Variants in RDX observed in about 807,000 individuals in gnomAD.
The protein encoded by RDX is deafness, autosomal recessive 24.
RDX carries 32 observed loss-of-function variants against 83.7 expected under a neutral mutation model. The ratio of observed to expected loss-of-function variants is 0.38; its 90% CI spans 0.29 to 0.51. The LOEUF (loss-of-function observed/expected upper bound fraction) is 0.51. Ranked by LOEUF, RDX falls within the 20% of genes least tolerant of loss-of-function variation. The pLI is 0.87. For synonymous variants in RDX, 229 were observed against 222.7 expected (o/e 1.03, Z -0.25); for missense variants, 600 against 689.9 (o/e 0.87, Z 1.46).
chr11:110,232,106 G>C lies in RDX; in HGVS notation c.1588-73C>G, dbSNP rs571318050. 6.6e-5 allele frequency: 80 copies of C among 1,220,084 alleles called. No individual in the cohort carries two copies. The African/African-American group carries it at 1.2e-3, about 18-fold the overall frequency. The allele number at this position is 1,220,084 out of a possible 1,614,324, so 75.6% of individuals were successfully genotyped here. ...AAAAAATTTATGAAAATGGCTTTAA[G>C]ATGCAAAAATACATATACCAAATCA... On this transcript the variant is annotated intron_variant, in intron 13 of 13. Coordinates refer to ENST00000645495, the MANE Select transcript of RDX (RefSeq NM_002906.4).
chr11:110,189,734 A>T (rs989589514), intron 15 of RDX, among the ~76,000 whole-genome samples: 2 of 152,258 alleles, frequency 1.3e-5, no homozygotes, highest in African/African-American at 4.8e-5. Flanking sequence ...CATGGAAATT[A>T]AACAACTGCT....
intron 14 of RDX, among the ~76,000 whole-genome samples, chr11:110,203,326 T>C (rs1863482052): frequency 6.7e-6 from 1 of 148,278 alleles, no homozygotes; most frequent in Admixed American, 6.8e-5. Flanking sequence ...ATTAAACTCA[T>C]GGAGATAGAG....
downstream of RDX, among the ~76,000 whole-genome samples, chr11:110,225,232 C>A (rs193258052): frequency 3.9e-5 from 6 of 152,114 alleles, no homozygotes; most frequent in African/African-American, 2.4e-5. Context: ...GCAACAACAA[C>A]AAAATTGGAC....
At chr11:110,215,938 T>G (rs1488072306) in intron 14 of RDX, among the ~76,000 whole-genome samples, 2 of 152,180 alleles carry the variant, frequency 1.3e-5, no homozygotes, top group Admixed American at 1.3e-4. Context: ...ATGCAGCCAT[T>G]TAGCCCCAGG....
intron 1 of RDX, among the ~76,000 whole-genome samples, chr11:110,296,061 G>A (rs917781268): frequency 6.6e-6 from 1 of 152,244 alleles, no homozygotes; most frequent in Non-Finnish European, 1.5e-5. Context: ...CAACCCTTGG[G>A]ACCATGCCAG....
At chr11:110,190,585 A>T (rs543445532) in intron 15 of RDX, among the ~76,000 whole-genome samples, 2 of 152,332 alleles carry the variant, frequency 1.3e-5, no homozygotes, top group South Asian at 4.1e-4. Flanking sequence ...GGAGAAAAGA[A>T]ATAACTAAAA....
chr11:110,292,796 A>C (rs1861298225), intron 1 of RDX, among the ~76,000 whole-genome samples: 1 of 152,204 alleles, frequency 6.6e-6, no homozygotes, highest in Non-Finnish European at 1.5e-5. Context: ...TTTCTTCAAT[A>C]CTGTATCTAA....
At chr11:110,223,010 A>C (rs1864304530) in intron 14 of RDX, among the ~76,000 whole-genome samples, 1 of 152,232 alleles carries the variant, frequency 6.6e-6, no homozygotes, top group Non-Finnish European at 1.5e-5. Flanking sequence ...TTACTTTTAC[A>C]TACAATGAAC....
chr11:110,295,766 C>T (rs184886424), intron 1 of RDX, among the ~76,000 whole-genome samples: 135 of 152,260 alleles, frequency 8.9e-4, no homozygotes, highest in Non-Finnish European at 1.6e-3. Flanking sequence ...GTCTGAGACA[C>T]TAAAACTGAG....
intron 3 of RDX, 140 bp downstream of exon 3, chr11:110,272,396 A>G (rs1196805247): frequency 4.6e-5 from 32 of 693,664 alleles, no homozygotes; most frequent in Non-Finnish European, 7.4e-5. Flanking sequence ...TGTAGTAGGG[A>G]TATCTGAATA....
chr11:110,236,157 G>T lies in RDX; in HGVS notation c.1286C>A (p.Ala429Glu). 2 of 1,612,636 alleles carry T rather than the reference G, an allele frequency of 1.2e-6. No individual in the cohort carries two copies. Among genetic ancestry groups the T allele is most frequent in the Non-Finnish European group, 8.5e-7 (1 of 1,179,826 alleles). Residue 429 changes from alanine (A) to glutamate (E), a missense_variant, in exon 12 of 14, where the codon GCA becomes GAA. Physicochemically the swap from Ala to Glu is moderately radical, Grantham distance 107. Coordinates refer to ENST00000645495, the MANE Select transcript of RDX (RefSeq NM_002906.4). ...AELAEFTAKI[A>E]LLEEAKKKKE... is the part of the protein sequence containing the mutation. ...TTTCTTCTTGGCTTCCTCTAGAAGT[G>T]CAATCTTGGCAGTGAATTCAGCAAG...
intron 15 of RDX, among the ~76,000 whole-genome samples, chr11:110,178,946 G>A (rs1862828993): frequency 1.3e-5 from 2 of 152,182 alleles, no homozygotes. Context: ...CAGCCCTGCT[G>A]ATTTCGTTAC....
chr11:110,255,183 C>T (rs1462677588), intron 8 of RDX, 106 bp downstream of exon 8: 6 of 678,950 alleles, frequency 8.8e-6, no homozygotes, highest in Admixed American at 4.8e-5. Context: ...GAGAATGGTC[C>T]TCAGAAGCAA....
At chr11:110,278,877 A>T (rs912571018) in intron 2 of RDX, among the ~76,000 whole-genome samples, 2 of 151,948 alleles carry the variant, frequency 1.3e-5, no homozygotes, top group Non-Finnish European at 2.9e-5. Flanking sequence ...AAAACAACTC[A>T]CTTTATTAGA....
At chr11:110,236,235 G>T in intron 11 of RDX, 44 bp from the exon 12 acceptor site, 2 of 1,446,776 alleles carry the variant, frequency 1.4e-6, no homozygotes, top group South Asian at 1.2e-5. Flanking sequence ...AACATATTTT[G>T]AATAATCTTA....
Position 110,230,772 on chromosome 11 carries a change from G to A in RDX, c.*1097C>T, listed in dbSNP as rs1440179177. On this transcript the variant is annotated 3_prime_UTR_variant, in exon 14 of 14. Coordinates refer to ENST00000645495, the MANE Select transcript of RDX (RefSeq NM_002906.4). Reference sequence around the variant, plus strand: ...TTTAGCACTCTTAAGATATTCTGAAGGAAAATGAAATTTCGAAAGTATTTC... The same window carrying A: ...TTTAGCACTCTTAAGATATTCTGAAAGAAAATGAAATTTCGAAAGTATTTC... The A allele has an allele frequency of 6.6e-6, 1 of 152,508 alleles. No homozygotes were observed. The highest frequency in any genetic ancestry group is 2.4e-5 in the African/African-American group (1 of 41,396). The allele number at this position is 152,508 out of a possible 1,614,324, so 9.4% of individuals were successfully genotyped here.
chr11:110,258,607 C>G (rs1859655791), intron 5 of RDX, among the ~76,000 whole-genome samples: 1 of 152,008 alleles, frequency 6.6e-6, no homozygotes, highest in African/African-American at 2.4e-5. Context: ...TATAGGAACC[C>G]AAACAGTTCA....
intron 9 of RDX, 200 bp downstream of exon 9, chr11:110,253,746 G>A (rs973697019): frequency 2.0e-5 from 11 of 556,058 alleles, no homozygotes; most frequent in African/African-American, 1.1e-4. Context: ...TATTTTCTTC[G>A]AGATATGTGT....
At chr11:110,187,072 T>C (rs964141139) in intron 15 of RDX, among the ~76,000 whole-genome samples, 1 of 152,164 alleles carries the variant, frequency 6.6e-6, no homozygotes, top group Admixed American at 6.5e-5. Flanking sequence ...GGCAAAAAGA[T>C]TTGTAGTCAG....
Sources: allele counts gnomAD v4.1 joint callset (sites outside exome capture counted in the v4.1 genomes callset), GRCh38; gene constraint gnomAD v4.1.1; transcripts MANE v1.5; gene names NCBI Gene and HGNC (gene_info 2026-07-23, HGNC 2026-07-21).